Variants in MGAT4A observed in about 807,000 individuals in gnomAD.
The protein encoded by MGAT4A is N-acetylglucosaminyltransferase IVa.
MGAT4A carries 33 observed loss-of-function variants against 74.1 expected under a neutral mutation model. The ratio of observed to expected loss-of-function variants is 0.45; its 90% CI spans 0.34 to 0.60. The LOEUF is 0.60. Ranked by LOEUF, MGAT4A falls within the 20% of genes least tolerant of loss-of-function variation. MGAT4A has a pLI of 0.02. For missense variants in MGAT4A, 479 were observed against 628.3 expected (o/e 0.76, Z 2.54); for synonymous variants, 198 against 210.4 (o/e 0.94, Z 0.51).
chr2:98,650,843 C>T (rs538376768), intron 8 of MGAT4A, among the ~76,000 whole-genome samples: 10 of 152,110 alleles, frequency 6.6e-5, no homozygotes, highest in Middle Eastern at 3.4e-3. Context: ...CCTAGCTACT[C>T]GGGAAGCTGA....
At chr2:98,720,867 G>A (rs1465834835) in intron 2 of MGAT4A, among the ~76,000 whole-genome samples, 1 of 151,934 alleles carries the variant, frequency 6.6e-6, no homozygotes, top group African/African-American at 2.4e-5. Context: ...GAGAGAGAAA[G>A]GAGAAGAAAA....
chr2:98,636,703 AAGC>A, intron 12 of MGAT4A, 108 bp from the exon 13 acceptor site: 1 of 885,542 alleles, frequency 1.1e-6, no homozygotes, highest in Non-Finnish European at 1.8e-6. Flanking sequence ...GACTCTAAGC[AAGC>A]AAAGTTGACA....
chr2:98,621,765 G>T lies in MGAT4A; in HGVS notation c.*3801C>A. Reference sequence around the variant, plus strand: ...AGTCTTTTCTTTGAGGGACAGCACTGTTGGGAGACAACCTCTTTTTCATTA... The same window carrying T: ...AGTCTTTTCTTTGAGGGACAGCACTTTTGGGAGACAACCTCTTTTTCATTA... On this transcript the variant is annotated 3_prime_UTR_variant, in exon 16 of 16. Coordinates refer to ENST00000393487, the MANE Select transcript of MGAT4A (RefSeq NM_012214.3). 1.7e-6 allele frequency: 2 copies of T among 1,167,032 alleles called. No individual in the cohort carries two copies. The highest frequency in any genetic ancestry group is 2.1e-6 in the Non-Finnish European group (2 of 947,008). 72.3% of individuals were successfully genotyped at this position (1,167,032 alleles called of 1,614,324 possible).
intron 6 of MGAT4A, among the ~76,000 whole-genome samples, chr2:98,656,991 C>T (rs948199892): frequency 2.0e-5 from 3 of 152,146 alleles, no homozygotes; most frequent in Admixed American, 2.0e-4. Context: ...TGTCTGAAGA[C>T]GTTCTGGTTG....
intron 13 of MGAT4A, among the ~76,000 whole-genome samples, chr2:98,635,792 A>C (rs921241164): frequency 6.6e-6 from 1 of 151,818 alleles, no homozygotes; most frequent in Non-Finnish European, 1.5e-5. Flanking sequence ...GGAGATCAAG[A>C]CCATCCTGGC....
In MGAT4A at chr2:98,668,982, G is replaced by A. The variant is rs377444448; in HGVS notation, c.404-5803C>T. 7.2e-5 allele frequency among the ~76,000 whole-genome samples: 11 copies of A among 152,356 alleles called. No homozygotes were observed. The East Asian group carries it at 1.5e-3, about 21-fold the overall frequency. On this transcript the variant is annotated intron_variant, in intron 4 of 15. Transcript: ENST00000393487. Reference sequence around the variant, plus strand: ...CCCGTACCCCCATTGTACCTAGGAAGTAACCAGCTTGCTTTTGATTTTACA... The same window carrying A: ...CCCGTACCCCCATTGTACCTAGGAAATAACCAGCTTGCTTTTGATTTTACA...
At position 98,621,643 on chromosome 2, in the gene MGAT4A, G is replaced by C; in HGVS notation, c.*3923C>G. On this transcript the variant is annotated 3_prime_UTR_variant, in exon 16 of 16. Transcript: ENST00000393487. ...GATATTATACAAGGTCATTGGTGGGGGTGTCAGTAGGGGTCATTCTTAGAA... is the reference window on the plus strand; with the variant it reads ...GATATTATACAAGGTCATTGGTGGGCGTGTCAGTAGGGGTCATTCTTAGAA... The C allele has an allele frequency of 6.9e-7, 1 of 1,458,074 alleles. No individual in the cohort carries two copies. 90.3% of individuals were successfully genotyped at this position (1,458,074 alleles called of 1,614,324 possible).
intron 13 of MGAT4A, among the ~76,000 whole-genome samples, chr2:98,635,498 T>C (rs1455372747): frequency 2.6e-5 from 4 of 152,194 alleles, no homozygotes; most frequent in South Asian, 2.1e-4. Flanking sequence ...ATATAATATA[T>C]TGGTGGTTGG....
At chr2:98,626,641 A>C (rs1701147850) in intron 14 of MGAT4A, among the ~76,000 whole-genome samples, 1 of 152,156 alleles carries the variant, frequency 6.6e-6, no homozygotes, top group Admixed American at 6.5e-5. Flanking sequence ...GAGAAAACAA[A>C]TTTTTACAAA....
chr2:98,644,706 T>C (rs1701460387), intron 9 of MGAT4A, among the ~76,000 whole-genome samples: 1 of 151,896 alleles, frequency 6.6e-6, no homozygotes, highest in South Asian at 2.1e-4. Flanking sequence ...CGATCTCAGC[T>C]CACTACAACC....
At chr2:98,680,721 C>T (rs1702047522) in intron 2 of MGAT4A, among the ~76,000 whole-genome samples, 2 of 152,264 alleles carry the variant, frequency 1.3e-5, no homozygotes, top group South Asian at 2.1e-4. Context: ...ATGGTTTAAG[C>T]ATTTTCTGCA....
chr2:98,652,456 T>C (rs929929886), intron 8 of MGAT4A, among the ~76,000 whole-genome samples: 4 of 150,704 alleles, frequency 2.7e-5, no homozygotes, highest in Non-Finnish European at 5.9e-5. Flanking sequence ...TCAGCCTCCC[T>C]AGTAGCTGGG....
chr2:98,665,856 C>T (rs1489042455), intron 4 of MGAT4A, among the ~76,000 whole-genome samples: 1 of 152,290 alleles, frequency 6.6e-6, no homozygotes, highest in East Asian at 1.9e-4. Context: ...AGCAACAAGG[C>T]CCTGAAGCCA....
chr2:98,692,954 T>A (rs533530168), intron 2 of MGAT4A, among the ~76,000 whole-genome samples: 1 of 152,254 alleles, frequency 6.6e-6, no homozygotes, highest in African/African-American at 2.4e-5. Flanking sequence ...TTCAAGAAGC[T>A]GAGCAAAACC....
intron 2 of MGAT4A, among the ~76,000 whole-genome samples, chr2:98,704,100 TA>T (rs1702388627): frequency 1.3e-5 from 2 of 152,198 alleles, no homozygotes; most frequent in South Asian, 4.1e-4. Flanking sequence ...CTATCTTGTT[TA>T]CCATGAAATC....
intron 3 of MGAT4A, among the ~76,000 whole-genome samples, chr2:98,677,714 A>C (rs1701994484): frequency 6.6e-6 from 1 of 151,932 alleles, no homozygotes; most frequent in South Asian, 2.1e-4. Flanking sequence ...CGGCCTCCCA[A>C]AGTGCTGGGA....
Position 98,647,015 on chromosome 2 carries a change from G to T in MGAT4A, c.775-1473C>A, listed in dbSNP as rs142200198. ...AGCATTTACTCCAGCCTTTCTTTAA[G>T]AACTGTTTTTCAAGGTAATCTAATA... On this transcript the variant is annotated intron_variant, in intron 8 of 15. Coordinates refer to ENST00000393487, the MANE Select transcript of MGAT4A (RefSeq NM_012214.3). Among the ~76,000 whole-genome samples, 24 of 152,302 alleles carry T rather than the reference G, an allele frequency of 1.6e-4. No individual in the cohort carries two copies. The East Asian group carries it at 4.2e-3, about 27-fold the overall frequency.
chr2:98,688,988 T>C (rs1261193563), intron 2 of MGAT4A, among the ~76,000 whole-genome samples: 1 of 152,228 alleles, frequency 6.6e-6, no homozygotes, highest in Non-Finnish European at 1.5e-5. Flanking sequence ...AGAATTACTT[T>C]ACAATTTTAT....
At position 98,621,584 on chromosome 2, in the gene MGAT4A, A is replaced by T; in HGVS notation, c.*3982T>A. Reference sequence around the variant, plus strand: ...GCTACATAACATGATATAATCATGGATCAAACAGGTTCCACCCATGCTCAA... The same window carrying T: ...GCTACATAACATGATATAATCATGGTTCAAACAGGTTCCACCCATGCTCAA... On this transcript the variant is annotated 3_prime_UTR_variant, in exon 16 of 16. Coordinates refer to ENST00000393487, the MANE Select transcript of MGAT4A (RefSeq NM_012214.3). 1 of 1,542,566 alleles carries T rather than the reference A, an allele frequency of 6.5e-7. No individual in the cohort carries two copies.
Sources: allele counts gnomAD v4.1 joint callset (sites outside exome capture counted in the v4.1 genomes callset), GRCh38; gene constraint gnomAD v4.1.1; transcripts MANE v1.5; gene names NCBI Gene and HGNC (gene_info 2026-07-23, HGNC 2026-07-21).